Variants in VTI1A observed in about 807,000 individuals in gnomAD.
VTI1A encodes vesicle transport through interaction with t-SNAREs homolog 1A.
Under a neutral mutation model 34.9 loss-of-function variants are expected in VTI1A, and 22 were observed. That is an observed-to-expected ratio of 0.63 (90% CI 0.45 to 0.90). The LOEUF (loss-of-function observed/expected upper bound fraction) is 0.90, where lower values mean the gene tolerates loss of function less well. VTI1A is among the 40% of genes least tolerant of loss of function. VTI1A has a pLI of 0.00. For synonymous variants in VTI1A, 87 were observed against 97.3 expected (o/e 0.89, Z 0.62); for missense variants, 268 against 275.6 (o/e 0.97, Z 0.20).
chr10:112,607,698 G>A lies in VTI1A; in HGVS notation c.428-60520G>A, dbSNP rs536559229. 1.7e-4 allele frequency among the ~76,000 whole-genome samples: 26 copies of A among 152,246 alleles called. No homozygotes were observed. The South Asian group carries it at 1.9e-3, about 11-fold the overall frequency. ...TGGCATAGCCAGATGGTTCTGACTC[G>A]GTCTCTCGGACTCATGAGGTTATAA... is the stretch of plus-strand genomic sequence containing the variant. On this transcript the variant is annotated intron_variant, in intron 5 of 7. Coordinates refer to ENST00000393077, the MANE Select transcript of VTI1A (RefSeq NM_145206.4).
chr10:112,822,649 C>T (rs1012328045), downstream of VTI1A, among the ~76,000 whole-genome samples: 5 of 152,148 alleles, frequency 3.3e-5, no homozygotes, highest in African/African-American at 9.7e-5. Flanking sequence ...CGCTCAATTT[C>T]CATCTTCTCT....
chr10:112,543,245 A>T (rs1280565902), intron 5 of VTI1A, among the ~76,000 whole-genome samples: 1 of 152,160 alleles, frequency 6.6e-6, no homozygotes, highest in South Asian at 2.1e-4. Context: ...TCCTTGAGGA[A>T]TCGCCACACT....
chr10:112,761,184 T>C (rs1212901916), intron 7 of VTI1A, among the ~76,000 whole-genome samples: 2 of 152,200 alleles, frequency 1.3e-5, no homozygotes, highest in Non-Finnish European at 2.9e-5. Flanking sequence ...TTTGCTCTTC[T>C]GTGAGGTGAA....
At chr10:112,600,385 A>G (rs1330521646) in intron 5 of VTI1A, among the ~76,000 whole-genome samples, 1 of 152,166 alleles carries the variant, frequency 6.6e-6, no homozygotes, top group Non-Finnish European at 1.5e-5. Context: ...CGTGGTCCAC[A>G]AGGCCTTTCA....
At chr10:112,477,910 A>C (rs1848328084) in intron 3 of VTI1A, among the ~76,000 whole-genome samples, 1 of 152,134 alleles carries the variant, frequency 6.6e-6, no homozygotes, top group African/African-American at 2.4e-5. Context: ...GTAAGGCTAG[A>C]GTTGTCTTAC....
chr10:112,585,705 G>A (rs1280434106), intron 5 of VTI1A, among the ~76,000 whole-genome samples: 2 of 133,558 alleles, frequency 1.5e-5, no homozygotes, highest in African/African-American at 5.7e-5. Context: ...ATACACCCTC[G>A]CCGCCTCTTT....
chr10:112,675,483 A>C (rs1364118578), intron 7 of VTI1A, among the ~76,000 whole-genome samples: 2 of 152,154 alleles, frequency 1.3e-5, no homozygotes, highest in Non-Finnish European at 2.9e-5. Context: ...TCCACCATTG[A>C]GGGTGGGCTG....
intron 5 of VTI1A, among the ~76,000 whole-genome samples, chr10:112,596,195 G>A (rs1344471765): frequency 6.6e-6 from 1 of 151,896 alleles, no homozygotes; most frequent in Non-Finnish European, 1.5e-5. Context: ...ATAGCATTAG[G>A]AGATATACCT....
intron 5 of VTI1A, among the ~76,000 whole-genome samples, chr10:112,641,682 A>G (rs1439675986): frequency 6.6e-6 from 1 of 152,112 alleles, no homozygotes; most frequent in African/African-American, 2.4e-5. Context: ...TCCCTTCCAA[A>G]TGTTCCTTTC....
chr10:112,527,189 G>A (rs144818988), intron 4 of VTI1A, 25 bp downstream of exon 4: 29 of 1,609,602 alleles, frequency 1.8e-5, no homozygotes, highest in South Asian at 1.2e-4. Flanking sequence ...AGGAAGGCCC[G>A]GTGGGTGGCT....
rs201197896 is a variant in VTI1A, at chr10:112,496,197, C to G, written c.265-30890C>G. On this transcript the variant is annotated intron_variant, in intron 3 of 7. Coordinates refer to ENST00000393077, the MANE Select transcript of VTI1A (RefSeq NM_145206.4). Reference sequence around the variant, plus strand: ...GGCAAATGGGGAGACCCCCCCCCCCCCCCCGCCGTCTCTAAACAAAATAAA... The same window carrying G: ...GGCAAATGGGGAGACCCCCCCCCCCGCCCCGCCGTCTCTAAACAAAATAAA... Among the ~76,000 whole-genome samples the G allele has an allele frequency of 1.8e-3, 219 of 122,744 alleles. 46 individuals are homozygous for G. The East Asian group carries it at 0.052, about 29-fold the overall frequency. 80.5% of individuals were successfully genotyped at this position (122,744 alleles called of 152,430 possible). A position where few individuals can be genotyped will look rare whatever the true frequency, so the allele number is the denominator to read the frequency against.
At chr10:112,695,343 T>C (rs1375666095) in intron 7 of VTI1A, among the ~76,000 whole-genome samples, 2 of 152,012 alleles carry the variant, frequency 1.3e-5, no homozygotes, top group African/African-American at 4.8e-5. Flanking sequence ...TTTACATAAA[T>C]AAAAAGCATC....
intron 7 of VTI1A, among the ~76,000 whole-genome samples, chr10:112,776,576 C>T (rs1239287299): frequency 6.6e-6 from 1 of 152,156 alleles, no homozygotes; most frequent in Admixed American, 6.5e-5. Flanking sequence ...ACCATCCCTA[C>T]CTCCTCATCC....
intron 3 of VTI1A, among the ~76,000 whole-genome samples, chr10:112,495,377 T>A (rs1223752129): frequency 2.0e-5 from 3 of 152,142 alleles, no homozygotes; most frequent in Non-Finnish European, 4.4e-5. Flanking sequence ...GAGGGATTCT[T>A]TAATTCAATC....
At chr10:112,494,510 C>T (rs1848942647) in intron 3 of VTI1A, among the ~76,000 whole-genome samples, 1 of 151,826 alleles carries the variant, frequency 6.6e-6, no homozygotes, top group Non-Finnish European at 1.5e-5. Flanking sequence ...TTTCCTCTTC[C>T]TTTCCTCCTT....
intron 5 of VTI1A, among the ~76,000 whole-genome samples, chr10:112,646,170 C>T (rs1474405660): frequency 6.6e-6 from 1 of 151,784 alleles, no homozygotes; most frequent in Admixed American, 6.6e-5. Flanking sequence ...ACTACCTATC[C>T]TATTGTTTTA....
At chr10:112,492,957 A>C (rs911695672) in intron 3 of VTI1A, among the ~76,000 whole-genome samples, 1 of 152,194 alleles carries the variant, frequency 6.6e-6, no homozygotes, top group African/African-American at 2.4e-5. Flanking sequence ...GTCCGTCCTC[A>C]TTCGTACTCC....
intron 4 of VTI1A, among the ~76,000 whole-genome samples, chr10:112,528,890 C>A (rs1051689350): frequency 6.6e-6 from 1 of 152,026 alleles, no homozygotes; most frequent in African/African-American, 2.4e-5. Flanking sequence ...AACGTGTTCA[C>A]TTCTCTTAAT....
intron 5 of VTI1A, among the ~76,000 whole-genome samples, chr10:112,592,485 A>G (rs567004158): frequency 2.0e-5 from 3 of 152,320 alleles, no homozygotes; most frequent in South Asian, 2.1e-4. Context: ...TCACTCCTGC[A>G]TCTGTTGATG....
Sources: gnomAD v4.1 joint callset for allele counts (sites outside exome capture counted in the v4.1 genomes callset) on GRCh38, gnomAD v4.1.1 for gene constraint, MANE v1.5 for transcripts, NCBI Gene and HGNC (gene_info 2026-07-23, HGNC 2026-07-21) for gene names.